The following ITGAX variants were observed in gnomAD, a reference collection of about 807,000 sequenced individuals.
The protein encoded by ITGAX is integrin alpha-X.
In ITGAX, 99 loss-of-function variants were observed where a neutral mutation model predicts 140.2. The ratio of observed to expected loss-of-function variants is 0.71; its 90% CI spans 0.60 to 0.83. The LOEUF is 0.83. Among genes scored for constraint, ITGAX ranks in the 40% least tolerant of loss-of-function variants. The pLI, the probability that ITGAX is intolerant of heterozygous loss-of-function variation, is 0.00. For missense variants in ITGAX, 1,444 were observed against 1,482.0 expected (o/e 0.97, Z 0.42); for synonymous variants, 631 against 600.4 (o/e 1.05, Z -0.75).
At position 31,361,684 on chromosome 16, in the gene ITGAX, G is replaced by A. The variant is rs530184498; in HGVS notation, c.1013-152G>A. 134 of 888,662 alleles carry A rather than the reference G, an allele frequency of 1.5e-4. 1 individual carries two copies. The highest frequency in any genetic ancestry group is 1.1e-3 in the Admixed American group (54 of 49,848). 55.0% of individuals were successfully genotyped at this position (888,662 alleles called of 1,614,324 possible). A position where few individuals can be genotyped will look rare whatever the true frequency, so the allele number is the denominator to read the frequency against. ...TGGAGCAGAGGGGGGCCCCGAAGTC[G>A]GAGCTGATCTGGAGGGCAGAGCCTG... is the stretch of plus-strand genomic sequence containing the variant. On this transcript the variant is annotated intron_variant, in intron 9 of 29. Transcript: ENST00000268296.
intron 3 of ITGAX, 55 bp downstream of exon 3, chr16:31,356,783 C>T: frequency 7.5e-7 from 1 of 1,325,204 alleles, no homozygotes; most frequent in East Asian, 2.5e-5. Context: ...TTCCCTGCTC[C>T]AGGGGCCCGT....
intron 20 of ITGAX, 109 bp from the exon 21 acceptor site, chr16:31,376,690 C>T (rs1445595513): frequency 7.2e-6 from 7 of 971,688 alleles, no homozygotes; most frequent in African/African-American, 1.6e-5. Context: ...ATCACTACTT[C>T]GTGGCGTGTC....
At chr16:31,365,064 A>G (rs1740954071) in intron 14 of ITGAX, among the ~76,000 whole-genome samples, 1 of 152,158 alleles carries the variant, frequency 6.6e-6, no homozygotes, top group Non-Finnish European at 1.5e-5. Flanking sequence ...TTGCCATGTG[A>G]TCTGGCAATT....
At chr16:31,371,062 C>A in intron 14 of ITGAX, 22 bp from the exon 15 acceptor site, 1 of 1,613,520 alleles carries the variant, frequency 6.2e-7, no homozygotes, top group Non-Finnish European at 8.5e-7. Flanking sequence ...CATCTTGATT[C>A]ACCCTTCTCT....
At chr16:31,360,932 C>A in intron 8 of ITGAX, 131 bp from the exon 9 acceptor site, 1 of 851,066 alleles carries the variant, frequency 1.2e-6, no homozygotes, top group South Asian at 1.5e-5. Context: ...GCTGTCCGGG[C>A]TTCGTGTTTC....
At chr16:31,355,857 C>A in intron 1 of ITGAX, 36 bp from the exon 2 acceptor site, 4 of 1,494,090 alleles carry the variant, frequency 2.7e-6, no homozygotes, top group Non-Finnish European at 3.7e-6. Context: ...AGAAGGAAGA[C>A]CCTTCTCCAA....
chr16:31,382,177 A>C lies in ITGAX; in HGVS notation c.*270A>C, dbSNP rs2142535784. On this transcript the variant is annotated 3_prime_UTR_variant, in exon 30 of 30. Coordinates refer to ENST00000268296, the MANE Select transcript of ITGAX (RefSeq NM_000887.5). Reference sequence around the variant, plus strand: ...CTAGAAATACATGGACAATACCCCCAGGCCTCAGTCTCCCTTCTCCCATGA... The same window carrying C: ...CTAGAAATACATGGACAATACCCCCCGGCCTCAGTCTCCCTTCTCCCATGA... 7.1e-7 allele frequency: 1 copy of C among 1,408,030 alleles called. No individual in the cohort carries two copies. The highest frequency in any genetic ancestry group is 3.1e-5 in the Admixed American group (1 of 32,776). 87.2% of individuals were successfully genotyped at this position (1,408,030 alleles called of 1,614,324 possible).
chr16:31,370,571 C>G (rs1214840919), intron 14 of ITGAX, among the ~76,000 whole-genome samples: 1 of 152,226 alleles, frequency 6.6e-6, no homozygotes. Flanking sequence ...TCCCCAACCT[C>G]TCTCCTGCAT....
intron 6 of ITGAX, 36 bp downstream of exon 6, chr16:31,359,866 G>A (rs1482974403): frequency 6.2e-7 from 1 of 1,613,970 alleles, no homozygotes; most frequent in Admixed American, 1.7e-5. Context: ...CTGGGGGTGG[G>A]TGCTTCGATC....
chr16:31,377,064 C>G lies in ITGAX; in HGVS notation c.2690C>G (p.Thr897Arg). ...GTCCTGGGAGACCGGCTGCTTCTGA[C>G]AGCCAATGTGAGCAGGTGAGCCGGG... ...KAVLGDRLLLTANVSSENNTP... is the reference protein window; with the variant it reads ...KAVLGDRLLLRANVSSENNTP... Residue 897 changes from threonine (T) to arginine (R), a missense_variant, in exon 22 of 30, where the codon ACA becomes AGA. Thr to Arg is a moderately conservative substitution (Grantham distance 71). Transcript: ENST00000268296. The G allele has an allele frequency of 6.2e-7, 1 of 1,614,214 alleles. No individual in the cohort carries two copies. The highest frequency in any genetic ancestry group is 8.5e-7 in the Non-Finnish European group (1 of 1,180,028).
chr16:31,355,649 A>T (rs2080751350), intron 1 of ITGAX, among the ~76,000 whole-genome samples: 1 of 152,120 alleles, frequency 6.6e-6, no homozygotes, highest in Admixed American at 6.6e-5. Flanking sequence ...TTGGGGAAAG[A>T]TCCTTTTTAG....
chr16:31,380,117 T>C (rs1411895322), intron 26 of ITGAX, 52 bp downstream of exon 26: 1 of 1,580,236 alleles, frequency 6.3e-7, no homozygotes, highest in Non-Finnish European at 8.7e-7. Flanking sequence ...TCAGAGGAAT[T>C]TAACCCAGGA....
chr16:31,380,150 G>A (rs1243400294), intron 26 of ITGAX, 85 bp downstream of exon 26: 3 of 1,536,992 alleles, frequency 2.0e-6, no homozygotes, highest in Non-Finnish European at 2.7e-6. Context: ...TATCCATCCT[G>A]CTGAAGTACC....
Position 31,379,958 on chromosome 16 carries a change from C to T in ITGAX, c.2977-24C>T, listed in dbSNP as rs1481254193. ...GGTCCCTGATGTCCCAGCTGAGACA[C>T]TTGTTCTCTGCATTTTCCCCCAGAA... On this transcript the variant is annotated intron_variant, in intron 25 of 29. Transcript: ENST00000268296. 3.7e-6 allele frequency: 6 copies of T among 1,610,500 alleles called. 1 individual carries two copies. In the South Asian group the frequency reaches 6.6e-5, roughly 18 times the overall value.
chr16:31,370,170 G>C (rs1435757283), intron 14 of ITGAX: 1 of 152,184 alleles, frequency 6.6e-6, no homozygotes, highest in Non-Finnish European at 1.5e-5. Context: ...TGGCCAGGCT[G>C]GTCTGGAACT....
chr16:31,362,716 G>C lies in ITGAX; in HGVS notation c.1322G>C (p.Arg441Thr), dbSNP rs1311895334. 1 of 1,613,940 alleles carries C rather than the reference G, an allele frequency of 6.2e-7. No homozygotes were observed. The part of the protein sequence containing the change: ...GKAVIFTQVS[R>T]QWRMKAEVTG... ...GCTGTCATCTTCACCCAGGTGTCCA[G>C]GCAATGGAGGATGAAGGCCGAAGTC... Residue 441 changes from arginine to threonine, a missense_variant, in exon 12 of 30, where the codon AGG becomes ACG. By Grantham distance (71) the Arg-to-Thr change is moderately conservative. Transcript: ENST00000268296.
chr16:31,373,872 G>C (rs2080995904), intron 20 of ITGAX, among the ~76,000 whole-genome samples: 1 of 152,224 alleles, frequency 6.6e-6, no homozygotes, highest in Non-Finnish European at 1.5e-5. Flanking sequence ...GTTTATGAGT[G>C]AATATACCTG....
rs754791697 is a variant in ITGAX, at chr16:31,360,294, T to C, written c.708-16T>C. The C allele has an allele frequency of 1.8e-5, 28 of 1,597,766 alleles. No homozygotes were observed. The highest frequency in any genetic ancestry group is 2.4e-5 in the Non-Finnish European group (28 of 1,171,948). On this transcript the variant is annotated splice_polypyrimidine_tract_variant and intron_variant, in intron 7 of 29. Coordinates refer to ENST00000268296, the MANE Select transcript of ITGAX (RefSeq NM_000887.5). ...GTTTGGTTCACAGGCCTCTAAGACC[T>C]CTCCTTTCCTGATAGGCACCGATTG...
rs752899883 is a variant in ITGAX at position 31,380,394 on chromosome 16, C to T, written c.3174+15C>T. The T allele has an allele frequency of 2.2e-5, 35 of 1,612,904 alleles. No individual in the cohort carries two copies. Among genetic ancestry groups the T allele is most frequent in the Admixed American group, 1.2e-4 (7 of 59,876 alleles). ...GGGTCCGCCAGGTGTGTGGGTGCAACGACAGAGCCCCTGCCCCAGACTCAG... is the reference window on the plus strand; with the variant it reads ...GGGTCCGCCAGGTGTGTGGGTGCAATGACAGAGCCCCTGCCCCAGACTCAG... On this transcript the variant is annotated intron_variant, in intron 27 of 29. Transcript: ENST00000268296.
Sources: gnomAD v4.1 joint callset for allele counts (sites outside exome capture counted in the v4.1 genomes callset) on GRCh38, gnomAD v4.1.1 for gene constraint, MANE v1.5 for transcripts, NCBI Gene and HGNC (gene_info 2026-07-23, HGNC 2026-07-21) for gene names.